The following P2RY8 variants were observed in gnomAD, a reference collection of about 807,000 sequenced individuals.
P2RY8 encodes S-geranylgeranyl-glutathione receptor P2RY8.
P2RY8 carries 6 observed loss-of-function variants against 10.0 expected under a neutral mutation model. The observed-to-expected ratio is 0.60, with a 90% CI of 0.33 to 1.19. The LOEUF (loss-of-function observed/expected upper bound fraction) is 1.19, where lower values mean the gene tolerates loss of function less well. Ranked by LOEUF, P2RY8 falls within the 50% of genes most tolerant of loss-of-function variation. The pLI is 0.04. For missense variants in P2RY8, 456 were observed against 542.0 expected (o/e 0.84, Z 1.58); for synonymous variants, 276 against 252.5 (o/e 1.09, Z -0.88).
chrX:1,530,109 C>A (rs1454578808), intron 1 of P2RY8, among the ~76,000 whole-genome samples: 1 of 105,376 alleles, frequency 9.5e-6, no homozygotes, highest in African/African-American at 3.6e-5. Context: ...ATCCATGTAT[C>A]TATGTATCTA....
At chrX:1,520,566 C>T (rs5742469) in intron 1 of P2RY8, among the ~76,000 whole-genome samples, 29,307 of 147,084 alleles carry the variant, frequency 0.2, 3,870 homozygotes, top group East Asian at 0.58. Flanking sequence ...ATATTATCTC[C>T]GATCCTCAAT....
intron 1 of P2RY8, among the ~76,000 whole-genome samples, chrX:1,517,733 G>T (rs1214001527): frequency 6.6e-6 from 1 of 152,128 alleles, no homozygotes; most frequent in East Asian, 1.9e-4. Flanking sequence ...TTTAAGGGAA[G>T]TTCAATCTTC....
chrX:1,505,073 G>A (rs113395915), intron 1 of P2RY8, among the ~76,000 whole-genome samples: 2,579 of 150,602 alleles, frequency 0.017, 62 homozygotes, highest in African/African-American at 0.059. Flanking sequence ...GGGAGGCAGA[G>A]GTTGCAGTGA....
At chrX:1,485,981 A>G (rs4307508) in intron 1 of P2RY8, among the ~76,000 whole-genome samples, 149,177 of 152,268 alleles carry the variant, frequency 0.98, 73,143 homozygotes, top group East Asian at 1. Flanking sequence ...CACTTTGGGA[A>G]GCTGAGACAG....
intron 1 of P2RY8, among the ~76,000 whole-genome samples, chrX:1,514,689 CCCTT>C (rs747876168): frequency 0.26 from 173 of 676 alleles, 63 homozygotes; most frequent in Non-Finnish European, 0.52. Context: ...CCCTTCCCTT[CCCTT>C]CCTTCCCTTC....
At position 1,496,990 on chromosome X, in the gene P2RY8, G is replaced by A. The variant is rs1176571752; in HGVS notation, c.-24-30408C>T. Reference sequence around the variant, plus strand: ...TCCCAGCACTTTGGGAGGCCGAGGCGGGTGGATCACTTGAGATCAGGAGTT... The same window carrying A: ...TCCCAGCACTTTGGGAGGCCGAGGCAGGTGGATCACTTGAGATCAGGAGTT... On this transcript the variant is annotated intron_variant, in intron 1 of 1. Transcript: ENST00000381297. 4.0e-4 allele frequency among the ~76,000 whole-genome samples: 60 copies of A among 150,370 alleles called. 1 individual carries two copies. Among genetic ancestry groups the A allele is most frequent in the Non-Finnish European group, 7.4e-4 (50 of 67,600 alleles).
intron 1 of P2RY8, among the ~76,000 whole-genome samples, chrX:1,522,550 G>A (rs1360191071): frequency 6.6e-6 from 1 of 152,182 alleles, no homozygotes; most frequent in Non-Finnish European, 1.5e-5. Flanking sequence ...CCAGCACCTT[G>A]GGAGGCCAAG....
At position 1,465,407 on chromosome X, in the gene P2RY8, C is replaced by T. The variant is rs773019936; in HGVS notation, c.*72G>A. On this transcript the variant is annotated 3_prime_UTR_variant, in exon 2 of 2. Coordinates refer to ENST00000381297, the MANE Select transcript of P2RY8 (RefSeq NM_178129.5). The stretch of plus-strand genomic sequence containing the variant: ...GCAGCTGTTCTCCCTGAACCTCTGG[C>T]ACCGTGGCCTCTCCATGCGCCCCTG... 79 of 1,524,006 alleles carry T rather than the reference C, an allele frequency of 5.2e-5. No individual in the cohort carries two copies. In the Admixed American group the frequency reaches 1.7e-3, roughly 32 times the overall value. The allele number at this position is 1,524,006 out of a possible 1,614,324, so 94.4% of individuals were successfully genotyped here. A position where few individuals can be genotyped will look rare whatever the true frequency, so the allele number is the denominator to read the frequency against.
intron 1 of P2RY8, among the ~76,000 whole-genome samples, chrX:1,509,722 C>CATCTACGTATCT (rs2092280381): frequency 1.6e-5 from 1 of 61,926 alleles, no homozygotes; most frequent in Non-Finnish European, 3.4e-5. Context: ...TCTATCTATG[C>CATCTACGTATCT]ATCTATGTAT....
At chrX:1,484,536 T>C (rs1450855814) in intron 1 of P2RY8, among the ~76,000 whole-genome samples, 10 of 151,280 alleles carry the variant, frequency 6.6e-5, no homozygotes, top group African/African-American at 2.2e-4. Flanking sequence ...ACCAGCCTGG[T>C]CAACAAGGCA....
chrX:1,471,492 C>T (rs1372298660), intron 1 of P2RY8, among the ~76,000 whole-genome samples: 4 of 146,834 alleles, frequency 2.7e-5, no homozygotes, highest in East Asian at 2.0e-4. Flanking sequence ...ATTTTAGTAG[C>T]GACAAGCTTT....
intron 1 of P2RY8, among the ~76,000 whole-genome samples, chrX:1,529,682 T>C (rs1176296276): frequency 6.6e-6 from 1 of 152,150 alleles, no homozygotes; most frequent in Non-Finnish European, 1.5e-5. Flanking sequence ...TATCTATCTA[T>C]CATATCTATC....
intron 1 of P2RY8, among the ~76,000 whole-genome samples, chrX:1,481,262 G>A (rs1216046909): frequency 4.6e-5 from 7 of 151,868 alleles, no homozygotes; most frequent in African/African-American, 1.7e-4. Context: ...TCCGCCTCCC[G>A]GGTTCAAGCC....
Position 1,465,844 on chromosome X carries a change from C to T in P2RY8, c.715G>A (p.Ala239Thr), listed in dbSNP as rs2091663296. The change falls in exon 2 of 2, where the codon GCC becomes ACC. Residue 239 changes from alanine (A) to threonine (T), a missense_variant. Ala to Thr is a moderately conservative substitution (Grantham distance 58). Coordinates refer to ENST00000381297, the MANE Select transcript of P2RY8 (RefSeq NM_178129.5). The part of the protein sequence containing the change: ...REQRRRAVGL[A>T]AVVLLAFVTC... ...ACAAAGGCCAGCAAGACCACCGCGG[C>T]CAGGCCCACCGCGCGCCTCCGCTGC... 1.2e-6 allele frequency: 2 copies of T among 1,612,824 alleles called. No homozygotes were observed. Among genetic ancestry groups the T allele is most frequent in the Non-Finnish European group, 1.7e-6 (2 of 1,179,706 alleles).
intron 1 of P2RY8, among the ~76,000 whole-genome samples, chrX:1,493,464 G>GAAGA (rs1569537415): frequency 6.8e-6 from 1 of 146,030 alleles, no homozygotes; most frequent in African/African-American, 2.5e-5. Context: ...AAGGAGGGAG[G>GAAGA]AGGGAGGGAG....
At chrX:1,519,966 C>T (rs2092378855) in intron 1 of P2RY8, among the ~76,000 whole-genome samples, 1 of 151,844 alleles carries the variant, frequency 6.6e-6, no homozygotes, top group African/African-American at 2.4e-5. Flanking sequence ...TCTCTGGTCC[C>T]CAATATTTTC....
chrX:1,482,162 T>G (rs1472650831), intron 1 of P2RY8, among the ~76,000 whole-genome samples: 5 of 29,062 alleles, frequency 1.7e-4, no homozygotes, highest in East Asian at 1.1e-3. Flanking sequence ...GTGTGTGTGG[T>G]GTGTGTGTGT....
chrX:1,484,110 G>T (rs1353864347), intron 1 of P2RY8, among the ~76,000 whole-genome samples: 1 of 152,054 alleles, frequency 6.6e-6, no homozygotes, highest in Non-Finnish European at 1.5e-5. Context: ...TAAACCCAAA[G>T]CTGGGCTCCC....
intron 1 of P2RY8, among the ~76,000 whole-genome samples, chrX:1,475,024 AGGATGGGTAGAT>A (rs1228994795): frequency 7.1e-6 from 1 of 140,756 alleles, no homozygotes; most frequent in East Asian, 2.2e-4. Flanking sequence ...GGAATGGATG[AGGATGGGTAGAT>A]GGATGGGTAG....
Sources: gnomAD v4.1 joint callset for allele counts (sites outside exome capture counted in the v4.1 genomes callset) on GRCh38, gnomAD v4.1.1 for gene constraint, MANE v1.5 for transcripts, NCBI Gene and HGNC (gene_info 2026-07-23, HGNC 2026-07-21) for gene names.